ATXN7L1: variants seen among roughly 807,000 people sequenced by gnomAD.
ATXN7L1 encodes the protein ataxin-7-like protein 1.
ATXN7L1 carries 15 observed loss-of-function variants against 70.8 expected under a neutral mutation model. That is an observed-to-expected ratio of 0.21 (90% CI 0.14 to 0.33). ATXN7L1 has a LOEUF of 0.33. Among genes scored for constraint, ATXN7L1 ranks in the 10% least tolerant of loss-of-function variants. ATXN7L1 has a pLI of 1.00. For synonymous variants in ATXN7L1, 440 were observed against 445.1 expected (o/e 0.99, Z 0.14); for missense variants, 975 against 1,097.1 (o/e 0.89, Z 1.57).
intron 3 of ATXN7L1, among the ~76,000 whole-genome samples, chr7:105,775,201 C>T (rs183232808): frequency 1.3e-5 from 2 of 152,110 alleles, no homozygotes; most frequent in Admixed American, 6.5e-5. Flanking sequence ...TGCAAAGGAG[C>T]AAGGGAAAGG....
chr7:105,769,023 T>C (rs1385093046), intron 3 of ATXN7L1, among the ~76,000 whole-genome samples: 1 of 152,252 alleles, frequency 6.6e-6, no homozygotes, highest in Non-Finnish European at 1.5e-5. Flanking sequence ...TCCTGACTTC[T>C]AGTCCCAGCT....
At chr7:105,875,608 A>C (rs1819021360) in intron 2 of ATXN7L1, among the ~76,000 whole-genome samples, 2 of 142,638 alleles carry the variant, frequency 1.4e-5, no homozygotes, top group Admixed American at 7.4e-5. Context: ...TTCTGCCTTC[A>C]ACAGTCTCAC....
At chr7:105,697,574 A>T (rs1338726826) in intron 3 of ATXN7L1, among the ~76,000 whole-genome samples, 1 of 152,222 alleles carries the variant, frequency 6.6e-6, no homozygotes, top group Non-Finnish European at 1.5e-5. Flanking sequence ...CAATTTGTGC[A>T]GTTAATGCAA....
chr7:105,659,604 G>A (rs1419096227), intron 4 of ATXN7L1, among the ~76,000 whole-genome samples: 29 of 152,176 alleles, frequency 1.9e-4, no homozygotes. Context: ...AGAATGGTAA[G>A]GATTATGGCC....
At chr7:105,727,435 G>A (rs1427886976) in intron 3 of ATXN7L1, among the ~76,000 whole-genome samples, 13 of 151,934 alleles carry the variant, frequency 8.6e-5, no homozygotes, top group African/African-American at 2.9e-4. Flanking sequence ...TTGGGAGGCC[G>A]AGGCGCGTGG....
chr7:105,817,974 T>A (rs1422499647), intron 2 of ATXN7L1, among the ~76,000 whole-genome samples: 1 of 152,204 alleles, frequency 6.6e-6, no homozygotes, highest in Non-Finnish European at 1.5e-5. Flanking sequence ...TTCTTTGTGC[T>A]ATTCTTATTT....
At chr7:105,706,529 C>T (rs1370404496) in intron 3 of ATXN7L1, among the ~76,000 whole-genome samples, 1 of 152,042 alleles carries the variant, frequency 6.6e-6, no homozygotes, top group African/African-American at 2.4e-5. Flanking sequence ...GCTCCTTTGC[C>T]TGTTACAGCA....
intron 3 of ATXN7L1, among the ~76,000 whole-genome samples, chr7:105,764,477 G>A (rs1028701674): frequency 6.6e-6 from 1 of 152,190 alleles, no homozygotes; most frequent in Non-Finnish European, 1.5e-5. Context: ...GGGAGCCGCA[G>A]TTGATTTTAA....
chr7:105,756,847 T>C lies in ATXN7L1; in HGVS notation c.355+31757A>G, dbSNP rs562367459. On this transcript the variant is annotated intron_variant, in intron 3 of 11. Transcript: ENST00000419735. ...CTGCAGTAAGTCCAGAACCCTAAATTATATGCTCCAGAGCTACGGCACCTA... is the reference window on the plus strand; with the variant it reads ...CTGCAGTAAGTCCAGAACCCTAAATCATATGCTCCAGAGCTACGGCACCTA... Among the ~76,000 whole-genome samples the C allele has an allele frequency of 5.3e-5, 8 of 152,308 alleles. No individual in the cohort carries two copies. In the East Asian group the frequency reaches 1.5e-3, roughly 29 times the overall value.
intron 1 of ATXN7L1, among the ~76,000 whole-genome samples, chr7:105,876,159 G>C (rs1585223529): frequency 6.6e-6 from 1 of 152,128 alleles, no homozygotes; most frequent in Non-Finnish European, 1.5e-5. Context: ...GGGCTGCCAC[G>C]GGGAGCCGGG....
chr7:105,631,266 G>C (rs907039429), intron 7 of ATXN7L1, among the ~76,000 whole-genome samples: 1 of 152,164 alleles, frequency 6.6e-6, no homozygotes, highest in Non-Finnish European at 1.5e-5. Flanking sequence ...TAACGGGAAA[G>C]GAACTGACCT....
At chr7:105,766,309 G>A (rs1395176434) in intron 3 of ATXN7L1, among the ~76,000 whole-genome samples, 5 of 152,072 alleles carry the variant, frequency 3.3e-5, no homozygotes, top group African/African-American at 7.2e-5. Context: ...TGCGTGCAAC[G>A]TGAAGGAAAC....
intron 6 of ATXN7L1, 24 bp downstream of exon 6, chr7:105,639,463 T>C: frequency 6.5e-7 from 1 of 1,534,494 alleles, no homozygotes; most frequent in South Asian, 1.2e-5. Context: ...GAGCAGGAAG[T>C]ATTTTTTATG....
intron 2 of ATXN7L1, among the ~76,000 whole-genome samples, chr7:105,845,288 A>G (rs1300767277): frequency 6.6e-6 from 1 of 151,890 alleles, no homozygotes; most frequent in Non-Finnish European, 1.5e-5. Flanking sequence ...AATTAGGAAG[A>G]CAATTTCATT....
chr7:105,709,539 C>T (rs1030630221), intron 3 of ATXN7L1, among the ~76,000 whole-genome samples: 1 of 152,034 alleles, frequency 6.6e-6, no homozygotes, highest in Admixed American at 6.6e-5. Flanking sequence ...CAATCCAGAC[C>T]ACTAGACCCC....
At chr7:105,698,186 C>T (rs757952233) in intron 3 of ATXN7L1, among the ~76,000 whole-genome samples, 6 of 152,150 alleles carry the variant, frequency 3.9e-5, no homozygotes, top group Non-Finnish European at 7.3e-5. Flanking sequence ...CAGCTCAACA[C>T]GCCTCACTTG....
At chr7:105,609,594 A>G (rs1342246139) in intron 11 of ATXN7L1, among the ~76,000 whole-genome samples, 1 of 151,920 alleles carries the variant, frequency 6.6e-6, no homozygotes, top group Admixed American at 6.6e-5. Flanking sequence ...CTGCCTGAAT[A>G]GCTGGGACTA....
At chr7:105,787,380 T>C (rs1374016587) in intron 3 of ATXN7L1, among the ~76,000 whole-genome samples, 9 of 152,168 alleles carry the variant, frequency 5.9e-5, no homozygotes, top group Non-Finnish European at 1.3e-4. Context: ...TCTAGGGCCC[T>C]TGCTTTGCCT....
intron 3 of ATXN7L1, among the ~76,000 whole-genome samples, chr7:105,765,334 C>T (rs768657949): frequency 4.6e-5 from 7 of 150,792 alleles, no homozygotes; most frequent in Non-Finnish European, 7.4e-5. Context: ...AAAAAACCCT[C>T]TAAATAAGTC....
Sources: gnomAD v4.1 joint callset for allele counts (sites outside exome capture counted in the v4.1 genomes callset) on GRCh38, gnomAD v4.1.1 for gene constraint, MANE v1.5 for transcripts, NCBI Gene and HGNC (gene_info 2026-07-23, HGNC 2026-07-21) for gene names.